SLAIN2: variants seen among roughly 807,000 people sequenced by gnomAD.
SLAIN2 encodes SLAIN motif-containing protein 2.
Under a neutral mutation model 56.6 loss-of-function variants are expected in SLAIN2, and 31 were observed. The observed-to-expected ratio is 0.55, with a 90% CI of 0.41 to 0.74. SLAIN2 has a LOEUF of 0.74. Among genes scored for constraint, SLAIN2 ranks in the 30% least tolerant of loss-of-function variants. The probability of loss-of-function intolerance (pLI) is 0.00; values close to 1 mark genes in which losing one functional copy is unlikely to be tolerated. For synonymous variants in SLAIN2, 317 were observed against 284.9 expected (o/e 1.11, Z -1.13); for missense variants, 777 against 754.2 (o/e 1.03, Z -0.35).
chr4:48,379,809 G>A lies in SLAIN2; in HGVS notation c.823G>A (p.Val275Ile). 4 of 1,585,018 alleles carry A rather than the reference G, an allele frequency of 2.5e-6. No individual in the cohort carries two copies. The highest frequency in any genetic ancestry group is 3.4e-6 in the Non-Finnish European group (4 of 1,169,826). Residue 275 changes from valine to isoleucine, a missense_variant, in exon 4 of 8, where the codon GTA (valine) becomes ATA (isoleucine). Val to Ile is a conservative substitution (Grantham distance 29). Coordinates refer to ENST00000264313, the MANE Select transcript of SLAIN2 (RefSeq NM_020846.2). The stretch of plus-strand genomic sequence containing the variant: ...TGGATCCAATTATAAGCTAAATGAT[G>A]TAACTGATGTACAGATTCTAGCCCG... Reference protein sequence around the residue: ...SIGSNYKLNDVTDVQILARMQ... With the variant: ...SIGSNYKLNDITDVQILARMQ...
intron 1 of SLAIN2, among the ~76,000 whole-genome samples, chr4:48,350,243 T>C (rs931367182): frequency 2.6e-5 from 4 of 152,186 alleles, no homozygotes; most frequent in Non-Finnish European, 5.9e-5. Flanking sequence ...GTCCCCATCT[T>C]TGGGGCCTCC....
chr4:48,371,900 C>G (rs1715672901), intron 2 of SLAIN2, among the ~76,000 whole-genome samples: 1 of 151,938 alleles, frequency 6.6e-6, no homozygotes, highest in Non-Finnish European at 1.5e-5. Flanking sequence ...ATGTTTGCAC[C>G]ACCGCACTCC....
Position 48,379,817 on chromosome 4 carries a change from T to G in SLAIN2, c.831T>G (p.Asp277Glu). ...ATTATAAGCTAAATGATGTAACTGA[T>G]GTACAGATTCTAGCCCGGATGCAGG... ...GSNYKLNDVT[D>E]VQILARMQEE... The change falls in exon 4 of 8, where the codon GAT becomes GAG. Residue 277 changes from aspartate to glutamate, a missense_variant. Asp to Glu is a conservative substitution (Grantham distance 45). Coordinates refer to ENST00000264313, the MANE Select transcript of SLAIN2 (RefSeq NM_020846.2). 2 of 1,573,092 alleles carry G rather than the reference T, an allele frequency of 1.3e-6. No individual in the cohort carries two copies. Among genetic ancestry groups the G allele is most frequent in the Non-Finnish European group, 1.7e-6 (2 of 1,166,190 alleles).
chr4:48,365,654 G>A (rs1205438540), intron 1 of SLAIN2, among the ~76,000 whole-genome samples: 2 of 151,634 alleles, frequency 1.3e-5, no homozygotes, highest in African/African-American at 4.9e-5. Context: ...TCCACCTCCC[G>A]GGTTCAAACA....
chr4:48,421,915 G>A lies in SLAIN2; in HGVS notation c.1680-96G>A, dbSNP rs1577744250. On this transcript the variant is annotated intron_variant, in intron 7 of 7. Transcript: ENST00000264313. Reference sequence around the variant, plus strand: ...GGTACGGCCTTCATGGGATCGTGATGCCACCTGAAGAGTAATTAATATATG... The same window carrying A: ...GGTACGGCCTTCATGGGATCGTGATACCACCTGAAGAGTAATTAATATATG... 5 of 1,002,660 alleles carry A rather than the reference G, an allele frequency of 5.0e-6. No individual in the cohort carries two copies. The East Asian group carries it at 1.3e-4, about 26-fold the overall frequency. The allele number at this position is 1,002,660 out of a possible 1,614,324, so 62.1% of individuals were successfully genotyped here.
At chr4:48,401,056 GTC>G (rs1464037475) in intron 6 of SLAIN2, among the ~76,000 whole-genome samples, 8 of 152,164 alleles carry the variant, frequency 5.3e-5, no homozygotes, top group Non-Finnish European at 8.8e-5. Flanking sequence ...TTACCCAAGA[GTC>G]TTTCAGGAAC....
At chr4:48,386,440 T>G (rs1577725845) in intron 6 of SLAIN2, among the ~76,000 whole-genome samples, 1 of 152,130 alleles carries the variant, frequency 6.6e-6, no homozygotes, top group Non-Finnish European at 1.5e-5. Context: ...CTAGTGAGAG[T>G]TGTCACATCT....
intron 1 of SLAIN2, among the ~76,000 whole-genome samples, chr4:48,362,166 A>AC (rs547514935): frequency 6.2e-4 from 93 of 149,724 alleles, no homozygotes; most frequent in African/African-American, 2.2e-3. Flanking sequence ...GCCTTATTGT[A>AC]CTGTATATTA....
chr4:48,394,343 C>T (rs1204376311), intron 6 of SLAIN2, among the ~76,000 whole-genome samples: 1 of 152,152 alleles, frequency 6.6e-6, no homozygotes, highest in Non-Finnish European at 1.5e-5. Context: ...GATTTTCTCA[C>T]CTGTAAGAAA....
At chr4:48,408,204 C>T (rs1014178537) in intron 6 of SLAIN2, among the ~76,000 whole-genome samples, 3 of 152,006 alleles carry the variant, frequency 2.0e-5, no homozygotes, top group African/African-American at 4.8e-5. Flanking sequence ...GTGGCACGCA[C>T]CTGTGGTCCC....
chr4:48,359,428 T>G (rs916913731), intron 1 of SLAIN2, among the ~76,000 whole-genome samples: 18 of 152,254 alleles, frequency 1.2e-4, no homozygotes, highest in Non-Finnish European at 2.2e-4. Context: ...TGTCCTTGGC[T>G]TCAGTAGCCT....
chr4:48,397,670 C>A (rs1185488418), intron 6 of SLAIN2, among the ~76,000 whole-genome samples: 2 of 152,084 alleles, frequency 1.3e-5, no homozygotes, highest in East Asian at 3.9e-4. Context: ...CCCCCGCCGC[C>A]CCTGACAGCC....
intron 6 of SLAIN2, among the ~76,000 whole-genome samples, chr4:48,388,689 C>T (rs1009663600): frequency 6.6e-6 from 1 of 152,324 alleles, no homozygotes; most frequent in East Asian, 1.9e-4. Flanking sequence ...TTTCCTCTTC[C>T]TCATTGTTTG....
intron 1 of SLAIN2, among the ~76,000 whole-genome samples, chr4:48,355,304 A>G (rs186523249): frequency 2.1e-4 from 32 of 152,312 alleles, no homozygotes; most frequent in Admixed American, 1.8e-3. Context: ...GAGGAGGCAT[A>G]AGGGATGATG....
At chr4:48,410,392 ACTTT>A (rs1716813596) in intron 6 of SLAIN2, among the ~76,000 whole-genome samples, 1 of 151,240 alleles carries the variant, frequency 6.6e-6, no homozygotes, top group Non-Finnish European at 1.5e-5. Flanking sequence ...TTTATTCTTC[ACTTT>A]CTTTATGGTA....
At position 48,369,988 on chromosome 4, in the gene SLAIN2, A is replaced by C. The variant is rs769643678; in HGVS notation, c.529A>C (p.Thr177Pro). 1 of 1,613,108 alleles carries C rather than the reference A, an allele frequency of 6.2e-7. No homozygotes were observed. The highest frequency in any genetic ancestry group is 8.5e-7 in the Non-Finnish European group (1 of 1,179,508). The stretch of plus-strand genomic sequence containing the variant: ...ATCTCTTATCCACAAACTTGATCAA[A>C]CTATGTCAGGTATGTCTATAATTTT... The part of the protein sequence containing the change: ...KKSLIHKLDQ[T>P]MSALKRQNLY... The change falls in exon 2 of 8, where the codon ACT becomes CCT. Residue 177 changes from threonine (T) to proline (P), a missense_variant. Coordinates refer to ENST00000264313, the MANE Select transcript of SLAIN2 (RefSeq NM_020846.2).
intron 6 of SLAIN2, among the ~76,000 whole-genome samples, chr4:48,407,523 T>G (rs992167807): frequency 2.0e-5 from 3 of 152,174 alleles, no homozygotes; most frequent in African/African-American, 7.2e-5. Flanking sequence ...TTGTAATAAC[T>G]TTATGTGTGA....
chr4:48,417,808 T>C (rs1247156825), intron 6 of SLAIN2, among the ~76,000 whole-genome samples: 1 of 151,568 alleles, frequency 6.6e-6, no homozygotes, highest in Non-Finnish European at 1.5e-5. Flanking sequence ...CAACCCTTCA[T>C]GCTAAAAACT....
At chr4:48,407,364 C>T (rs1471035757) in intron 6 of SLAIN2, among the ~76,000 whole-genome samples, 10 of 151,988 alleles carry the variant, frequency 6.6e-5, no homozygotes, top group African/African-American at 2.4e-4. Context: ...GCTATTCTTT[C>T]GTATCTTGTA....
Sources: gnomAD v4.1 joint callset for allele counts (sites outside exome capture counted in the v4.1 genomes callset) on GRCh38, gnomAD v4.1.1 for gene constraint, MANE v1.5 for transcripts, NCBI Gene and HGNC (gene_info 2026-07-23, HGNC 2026-07-21) for gene names.